The following ANO5 variants were observed in gnomAD, a reference collection of about 807,000 sequenced individuals.
ANO5 encodes anoctamin 5, also known as anoctamin-5.
In ANO5, 109 loss-of-function variants were observed where a neutral mutation model predicts 121.0. The observed-to-expected ratio is 0.90, with a 90% CI of 0.77 to 1.06. The LOEUF (loss-of-function observed/expected upper bound fraction) is 1.06. Ranked by LOEUF, ANO5 falls within the 50% of genes least tolerant of loss-of-function variation. The probability of loss-of-function intolerance (pLI) is 0.00; values close to 1 mark genes in which losing one functional copy is unlikely to be tolerated. For missense variants in ANO5, 1,064 were observed against 1,078.5 expected, an observed-to-expected ratio of 0.99 and a Z score of 0.19; for synonymous variants, 406 against 359.9, an observed-to-expected ratio of 1.13 and a Z score of -1.45.
chr11:22,227,754 G>A (rs1373978066), intron 7 of ANO5, among the ~76,000 whole-genome samples, 168 bp downstream of exon 7: 4 of 152,048 alleles, frequency 2.6e-5, no homozygotes, highest in South Asian at 4.1e-4. Flanking sequence ...CCACATAAAC[G>A]TATTACTCTC....
At chr11:22,207,756 A>G (rs1178967715) in intron 2 of ANO5, among the ~76,000 whole-genome samples, 1 of 152,112 alleles carries the variant, frequency 6.6e-6, no homozygotes, top group African/African-American at 2.4e-5. Context: ...ACAGACTGGG[A>G]TAAATATTTG....
At chr11:22,265,078 TG>T (rs1187788602) in intron 17 of ANO5, among the ~76,000 whole-genome samples, 1 of 152,052 alleles carries the variant, frequency 6.6e-6, no homozygotes, top group Non-Finnish European at 1.5e-5. Flanking sequence ...TTTTCAAAAA[TG>T]AGGAAAAACA....
intron 7 of ANO5, among the ~76,000 whole-genome samples, chr11:22,235,897 G>A (rs1430097024): frequency 2.0e-5 from 3 of 152,078 alleles, no homozygotes; most frequent in Non-Finnish European, 4.4e-5. Context: ...CTAAAGAGGA[G>A]GTTTGGACAG....
chr11:22,213,427 T>G lies in ANO5; in HGVS notation c.138+2113T>G, dbSNP rs145009161. The stretch of plus-strand genomic sequence containing the variant: ...AGGTATTTTGTAGAATGTCCTTAAA[T>G]TGGGACTTTCCTGATTTTTTTTTTT... On this transcript the variant is annotated intron_variant, in intron 3 of 21. Transcript: ENST00000324559. 1.7e-4 allele frequency among the ~76,000 whole-genome samples: 25 copies of G among 150,660 alleles called. No individual in the cohort carries two copies. In the East Asian group the frequency reaches 4.9e-3, roughly 29 times the overall value.
At chr11:22,207,921 T>C (rs950542346) in intron 2 of ANO5, among the ~76,000 whole-genome samples, 6 of 152,002 alleles carry the variant, frequency 3.9e-5, no homozygotes, top group African/African-American at 1.2e-4. Context: ...AATAAGCATA[T>C]GAAAAGATCT....
intron 1 of ANO5, among the ~76,000 whole-genome samples, chr11:22,203,379 T>C (rs1852020474): frequency 6.6e-6 from 1 of 152,108 alleles, no homozygotes; most frequent in Non-Finnish European, 1.5e-5. Flanking sequence ...TAGAAACTGG[T>C]AGTGTTCTAT....
rs71034578 is a variant in ANO5 at position 22,218,115 on chromosome 11, TCACA to T, written c.139-109_139-106del. 229 of 607,252 alleles carry T rather than the reference TCACA, an allele frequency of 3.8e-4. 1 individual carries two copies. Among genetic ancestry groups the T allele is most frequent in the Middle Eastern group, 8.7e-4 (2 of 2,296 alleles). 37.6% of individuals were successfully genotyped at this position (607,252 alleles called of 1,614,324 possible). On this transcript the variant is annotated intron_variant, in intron 3 of 21. Transcript: ENST00000324559. ...AATTTGTATCCTCCAGTTTGAAATATCACACACACACACACACACACACACTTAT... is the reference window on the plus strand; with the variant it reads ...AATTTGTATCCTCCAGTTTGAAATATCACACACACACACACACACACTTAT...
intron 9 of ANO5, among the ~76,000 whole-genome samples, chr11:22,244,743 T>C (rs189504056): frequency 3.9e-4 from 60 of 152,262 alleles, no homozygotes; most frequent in African/African-American, 1.4e-3. Context: ...AGTTTTGTTT[T>C]TTCCTAAAAT....
chr11:22,213,545 T>A (rs1208242023), intron 3 of ANO5, among the ~76,000 whole-genome samples: 1 of 151,978 alleles, frequency 6.6e-6, no homozygotes, highest in Non-Finnish European at 1.5e-5. Context: ...TCAACATGAC[T>A]TAATCACCCT....
intron 7 of ANO5, among the ~76,000 whole-genome samples, chr11:22,231,034 A>G (rs1010430871): frequency 7.9e-5 from 12 of 152,038 alleles, no homozygotes; most frequent in African/African-American, 2.9e-4. Context: ...CAACTCTGAT[A>G]GGGTCAGCCC....
intron 4 of ANO5, among the ~76,000 whole-genome samples, chr11:22,220,341 C>T (rs569173324): frequency 5.3e-5 from 8 of 151,994 alleles, no homozygotes; most frequent in Non-Finnish European, 8.8e-5. Context: ...AAAACCAAAT[C>T]AGTCAAACAT....
At chr11:22,248,577 T>A (rs1029982172) in intron 9 of ANO5, among the ~76,000 whole-genome samples, 1 of 152,018 alleles carries the variant, frequency 6.6e-6, no homozygotes. Context: ...GATACCCAAG[T>A]CCAAAGTTTA....
intron 2 of ANO5, among the ~76,000 whole-genome samples, chr11:22,204,292 G>A (rs760700222): frequency 3.7e-4 from 57 of 152,020 alleles, no homozygotes; most frequent in Non-Finnish European, 7.1e-4. Context: ...AATACTACTT[G>A]TAAAAATACA....
chr11:22,227,896 A>G (rs902678763), intron 7 of ANO5, among the ~76,000 whole-genome samples: 1 of 152,130 alleles, frequency 6.6e-6, no homozygotes, highest in South Asian at 2.1e-4. Context: ...AGATCTTTGT[A>G]AAATGGTTTT....
intron 7 of ANO5, among the ~76,000 whole-genome samples, chr11:22,233,925 C>T (rs1412778129): frequency 6.6e-6 from 1 of 152,052 alleles, no homozygotes; most frequent in African/African-American, 2.4e-5. Flanking sequence ...TTCCCTGAAC[C>T]ACTTCCACCG....
Position 22,227,597 on chromosome 11 carries a change from A to G in ANO5, c.648+11A>G. ...TCAAGAAACAGAATTGTAGGTAGAG[A>G]AGACCTTTGGGCACATCCCTTCAAA... On this transcript the variant is annotated intron_variant, in intron 7 of 21. Transcript: ENST00000324559. 2 of 1,613,126 alleles carry G rather than the reference A, an allele frequency of 1.2e-6. No individual in the cohort carries two copies. Among genetic ancestry groups the G allele is most frequent in the East Asian group, 4.5e-5 (2 of 44,834 alleles).
intron 5 of ANO5, among the ~76,000 whole-genome samples, chr11:22,222,627 G>A (rs1325506216): frequency 2.6e-5 from 4 of 151,676 alleles, no homozygotes; most frequent in African/African-American, 4.8e-5. Flanking sequence ...CTTATGTCTC[G>A]TGGTCAACAA....
intron 3 of ANO5, among the ~76,000 whole-genome samples, chr11:22,213,966 G>A (rs1852364080): frequency 6.6e-6 from 1 of 151,840 alleles, no homozygotes; most frequent in South Asian, 2.1e-4. Context: ...CCAGTGGCAT[G>A]ATCATAGTTC....
rs759194790 is a variant in ANO5 at position 22,274,730 on chromosome 11, A to G, written c.2397A>G (p.Arg799=). ...FPNHTAPSEK[R]DFITCRYRDY... ...ACCACACTGCACCTTCGGAAAAACGAGACTTCATCACTTGCAGGTGATTTG... is the reference window on the plus strand; with the variant it reads ...ACCACACTGCACCTTCGGAAAAACGGGACTTCATCACTTGCAGGTGATTTG... Residue 799 remains arginine (R), a synonymous_variant, in exon 20 of 22, where the codon CGA becomes CGG. Transcript: ENST00000324559. The G allele has an allele frequency of 3.7e-6, 6 of 1,613,262 alleles. No homozygotes were observed. Among genetic ancestry groups the G allele is most frequent in the Admixed American group, 1.7e-5 (1 of 59,964 alleles).
Sources: gnomAD v4.1 joint callset for allele counts (sites outside exome capture counted in the v4.1 genomes callset) on GRCh38, gnomAD v4.1.1 for gene constraint, MANE v1.5 for transcripts, NCBI Gene and HGNC (gene_info 2026-07-23, HGNC 2026-07-21) for gene names.